PAPPA2: variants seen among roughly 807,000 people sequenced by gnomAD.
The protein encoded by PAPPA2 is pappalysin-2.
A neutral mutation model predicts 176.4 loss-of-function variants in PAPPA2; 86 were observed. The observed-to-expected ratio is 0.49, with a 90% confidence interval of 0.41 to 0.58. The LOEUF is 0.58. PAPPA2 is among the 20% of genes least tolerant of loss of function. PAPPA2 has a pLI of 0.00. For synonymous variants in PAPPA2, 809 were observed against 852.2 expected, an observed-to-expected ratio of 0.95 and a Z score of 0.88; for missense variants, 2,073 against 2,256.9, an observed-to-expected ratio of 0.92 and a Z score of 1.65.
At chr1:176,809,979 T>TGA (rs1178756114) in intron 21 of PAPPA2, among the ~76,000 whole-genome samples, 1 of 151,472 alleles carries the variant, frequency 6.6e-6, no homozygotes, top group Non-Finnish European at 1.5e-5. Flanking sequence ...TGTGTGTGTG[T>TGA]GTGTGTGTGT....
chr1:176,620,073 A>G (rs1046649544), intron 3 of PAPPA2, among the ~76,000 whole-genome samples: 1 of 152,222 alleles, frequency 6.6e-6, no homozygotes, highest in Non-Finnish European at 1.5e-5. Context: ...CCAAGGCACT[A>G]GCAAATTCAG....
intron 1 of PAPPA2, among the ~76,000 whole-genome samples, chr1:176,505,469 C>T (rs563639431): frequency 2.6e-5 from 4 of 152,114 alleles, no homozygotes; most frequent in South Asian, 4.1e-4. Flanking sequence ...TAGAGAAACA[C>T]GTGAAGTGAG....
At chr1:176,473,916 G>A (rs183811900) in intron 1 of PAPPA2, among the ~76,000 whole-genome samples, 7 of 152,210 alleles carry the variant, frequency 4.6e-5, no homozygotes, top group Middle Eastern at 3.4e-3. Flanking sequence ...GTCATACTTA[G>A]GATCAGAGTG....
chr1:176,654,896 C>G (rs1254084763), intron 3 of PAPPA2, among the ~76,000 whole-genome samples: 1 of 151,754 alleles, frequency 6.6e-6, no homozygotes, highest in East Asian at 1.9e-4. Flanking sequence ...TATAGAAACA[C>G]TACTGATTTG....
chr1:176,784,008 T>A (rs73048151), intron 17 of PAPPA2, among the ~76,000 whole-genome samples: 1 of 152,210 alleles, frequency 6.6e-6, no homozygotes, highest in Non-Finnish European at 1.5e-5. Context: ...GATCTCATGA[T>A]CAGAATGTTA....
chr1:176,542,135 TTATAGA>T (rs2102567866), intron 1 of PAPPA2, among the ~76,000 whole-genome samples: 1 of 152,274 alleles, frequency 6.6e-6, no homozygotes, highest in South Asian at 2.1e-4. Context: ...TTATTTCCTC[TTATAGA>T]TAGAGCATTC....
chr1:176,773,400 T>A (rs951630674), intron 17 of PAPPA2, among the ~76,000 whole-genome samples: 20 of 152,154 alleles, frequency 1.3e-4, no homozygotes, highest in Admixed American at 7.9e-4. Context: ...TCAACTTCTT[T>A]CTATGATATG....
intron 1 of PAPPA2, among the ~76,000 whole-genome samples, chr1:176,492,275 G>T (rs756408362): frequency 3.9e-5 from 6 of 152,154 alleles, no homozygotes; most frequent in Non-Finnish European, 7.3e-5. Flanking sequence ...CTGCCTCTTA[G>T]CTTAGGCAGG....
chr1:176,696,498 A>T (rs1660391966), intron 7 of PAPPA2, among the ~76,000 whole-genome samples: 1 of 152,132 alleles, frequency 6.6e-6, no homozygotes, highest in Admixed American at 6.6e-5. Flanking sequence ...ATTTTTTGTT[A>T]TCTTTTTTTC....
intron 4 of PAPPA2, among the ~76,000 whole-genome samples, chr1:176,673,387 A>T (rs1659114184): frequency 6.6e-6 from 1 of 152,150 alleles, no homozygotes; most frequent in Non-Finnish European, 1.5e-5. Flanking sequence ...ACAGTAGCAG[A>T]GGGGATATAT....
At chr1:176,504,166 T>G (rs1572977452) in intron 1 of PAPPA2, among the ~76,000 whole-genome samples, 1 of 152,060 alleles carries the variant, frequency 6.6e-6, no homozygotes, top group South Asian at 2.1e-4. Context: ...CAAACTCTTC[T>G]GTGTACACTA....
chr1:176,588,883 C>T (rs1313431782), intron 2 of PAPPA2, among the ~76,000 whole-genome samples: 1 of 152,178 alleles, frequency 6.6e-6, no homozygotes, highest in Non-Finnish European at 1.5e-5. Context: ...AGAACAGGCA[C>T]ACAGTCATTT....
chr1:176,520,199 G>T (rs1649136634), intron 1 of PAPPA2, among the ~76,000 whole-genome samples: 1 of 152,162 alleles, frequency 6.6e-6, no homozygotes, highest in African/African-American at 2.4e-5. Flanking sequence ...TCTGCCTCTT[G>T]CTTCTCCCCT....
intron 21 of PAPPA2, among the ~76,000 whole-genome samples, chr1:176,833,852 GTATA>G (rs71747080): frequency 0.067 from 9,941 of 148,864 alleles, 374 homozygotes; most frequent in Non-Finnish European, 0.087. Context: ...GTCTGTGTGT[GTATA>G]TATATATATA....
At chr1:176,660,490 A>G (rs1223981202) in intron 3 of PAPPA2, among the ~76,000 whole-genome samples, 1 of 152,114 alleles carries the variant, frequency 6.6e-6, no homozygotes, top group African/African-American at 2.4e-5. Context: ...CATCGTATGA[A>G]TTCTTGCAAG....
intron 7 of PAPPA2, among the ~76,000 whole-genome samples, chr1:176,698,489 G>A (rs534367011): frequency 6.6e-6 from 1 of 151,866 alleles, no homozygotes; most frequent in African/African-American, 2.4e-5. Context: ...ATTTTTATTT[G>A]GCTACTGAAT....
At chr1:176,636,070 TC>T (rs1490519641) in intron 3 of PAPPA2, among the ~76,000 whole-genome samples, 1 of 152,050 alleles carries the variant, frequency 6.6e-6, no homozygotes, top group African/African-American at 2.4e-5. Context: ...CGATGTTCTT[TC>T]CTCCCTCTGT....
rs186988035 is a variant in PAPPA2, at chr1:176,544,085, C to T, written c.-916-11322C>T. The stretch of plus-strand genomic sequence containing the variant: ...TCAGAGGGCATTTCCCTAGTGTGTC[C>T]CCAGTTTCCTCACCTCTAGATGCTG... On this transcript the variant is annotated intron_variant, in intron 1 of 22. Transcript: ENST00000367662. 1.6e-3 allele frequency among the ~76,000 whole-genome samples: 244 copies of T among 152,172 alleles called. 3 individuals carry two copies. Among genetic ancestry groups the T allele is most frequent in the Non-Finnish European group, 1.5e-4 (10 of 68,008 alleles).
chr1:176,475,502 A>G (rs974355563), intron 1 of PAPPA2, among the ~76,000 whole-genome samples: 1 of 152,216 alleles, frequency 6.6e-6, no homozygotes, highest in African/African-American at 2.4e-5. Flanking sequence ...ACTGAGAACC[A>G]TATGTGCTTT....
Sources: allele counts gnomAD v4.1 joint callset (sites outside exome capture counted in the v4.1 genomes callset), GRCh38; gene constraint gnomAD v4.1.1; transcripts MANE v1.5; gene names NCBI Gene and HGNC (gene_info 2026-07-23, HGNC 2026-07-21).